OXR1: variants seen among roughly 807,000 people sequenced by gnomAD.
The protein encoded by OXR1 is oxidation resistance 1.
A neutral mutation model predicts 104.6 loss-of-function variants in OXR1; 41 were observed. That is an observed-to-expected ratio of 0.39 (90% confidence interval 0.31 to 0.51). OXR1 has a LOEUF of 0.51. Among genes scored for constraint, OXR1 ranks in the 20% least tolerant of loss-of-function variants. The probability of loss-of-function intolerance (pLI) is 0.77; values close to 1 mark genes in which losing one functional copy is unlikely to be tolerated. For synonymous variants in OXR1, 348 were observed against 348.4 expected, an observed-to-expected ratio of 1.00 and a Z score of 0.01; for missense variants, 955 against 1,031.9, an observed-to-expected ratio of 0.93 and a Z score of 1.02.
At chr8:106,514,474 C>T (rs1812737333) in intron 2 of OXR1, among the ~76,000 whole-genome samples, 1 of 151,996 alleles carries the variant, frequency 6.6e-6, no homozygotes, top group Admixed American at 6.6e-5. Context: ...AAACTTAGAA[C>T]AAAAACGTGA....
intron 2 of OXR1, among the ~76,000 whole-genome samples, chr8:106,417,960 G>A (rs1490509826): frequency 2.6e-5 from 4 of 151,162 alleles, no homozygotes; most frequent in East Asian, 3.9e-4. Context: ...GGCCAAGGAC[G>A]GTGAGAAGCT....
rs557321337 is a variant in OXR1 at position 106,436,672 on chromosome 8, C to T, written c.23+77036C>T. On this transcript the variant is annotated intron_variant, in intron 2 of 16. Transcript: ENST00000517566. ...CCTAAGCCTAAAGGAGATAATCTCC[C>T]TCTCTTCATCTCTTTACTGTATGTT... is the stretch of plus-strand genomic sequence containing the variant. Among the ~76,000 whole-genome samples, 9 of 152,196 alleles carry T rather than the reference C, an allele frequency of 5.9e-5. No individual in the cohort carries two copies. In the South Asian group the frequency reaches 1.7e-3, roughly 28 times the overall value.
chr8:106,613,585 G>A (rs1464892550), intron 3 of OXR1, among the ~76,000 whole-genome samples: 1 of 152,220 alleles, frequency 6.6e-6, no homozygotes, highest in African/African-American at 2.4e-5. Flanking sequence ...TTTTAGTAGA[G>A]ACAGAGTTTC....
chr8:106,336,896 T>C (rs1327344686), intron 1 of OXR1, among the ~76,000 whole-genome samples: 1 of 152,192 alleles, frequency 6.6e-6, no homozygotes, highest in Non-Finnish European at 1.5e-5. Context: ...CCTAGAGTCA[T>C]TTAGATACTG....
intron 7 of OXR1, among the ~76,000 whole-genome samples, chr8:106,695,862 G>A (rs1019997288): frequency 5.3e-5 from 8 of 151,654 alleles, no homozygotes; most frequent in Admixed American, 1.3e-4. Flanking sequence ...TTAAATGGAC[G>A]GAAGAATTGA....
intron 14 of OXR1, among the ~76,000 whole-genome samples, chr8:106,741,266 A>G (rs1288325457): frequency 5.3e-5 from 8 of 152,166 alleles, no homozygotes; most frequent in South Asian, 4.1e-4. Context: ...TAGAAATCAA[A>G]CACCAGAGAG....
intron 2 of OXR1, among the ~76,000 whole-genome samples, chr8:106,474,697 G>A (rs1163579268): frequency 6.6e-6 from 1 of 151,872 alleles, no homozygotes; most frequent in East Asian, 1.9e-4. Context: ...TTGTGACAGA[G>A]ACCCCATGGT....
intron 12 of OXR1, among the ~76,000 whole-genome samples, chr8:106,738,649 A>G (rs1423003749): frequency 6.6e-6 from 1 of 151,222 alleles, no homozygotes; most frequent in Non-Finnish European, 1.5e-5. Context: ...AATAAAATTA[A>G]TATTAAAAAG....
chr8:106,621,515 G>T (rs995558373), intron 3 of OXR1, among the ~76,000 whole-genome samples: 19 of 141,106 alleles, frequency 1.3e-4, no homozygotes, highest in Admixed American at 7.1e-5. Flanking sequence ...TTCAATAAGA[G>T]TAAAAAAAAA....
intron 3 of OXR1, among the ~76,000 whole-genome samples, chr8:106,651,180 C>A (rs1036759582): frequency 5.9e-5 from 9 of 152,140 alleles, no homozygotes; most frequent in Admixed American, 2.0e-4. Context: ...GTGGTAGTTT[C>A]CACCCACTGT....
At chr8:106,438,237 T>A (rs1398681996) in intron 2 of OXR1, among the ~76,000 whole-genome samples, 6 of 151,832 alleles carry the variant, frequency 4.0e-5, no homozygotes, top group African/African-American at 1.5e-4. Flanking sequence ...AAATCCAGAG[T>A]CATCTAAATA....
chr8:106,491,480 A>C (rs1811082915), intron 2 of OXR1, among the ~76,000 whole-genome samples: 1 of 152,240 alleles, frequency 6.6e-6, no homozygotes, highest in Admixed American at 6.5e-5. Flanking sequence ...TCTTTTAACC[A>C]ATACATACCA....
At chr8:106,398,456 C>T (rs776415263) in intron 2 of OXR1, among the ~76,000 whole-genome samples, 13 of 152,078 alleles carry the variant, frequency 8.5e-5, no homozygotes, top group Admixed American at 2.6e-4. Context: ...GGAGAAAGAA[C>T]GAGTCAGTTG....
At chr8:106,715,669 G>A (rs1290624704) in intron 11 of OXR1, among the ~76,000 whole-genome samples, 1 of 152,020 alleles carries the variant, frequency 6.6e-6, no homozygotes, top group African/African-American at 2.4e-5. Context: ...TCTCCAGCTT[G>A]GGTGGCACGG....
intron 3 of OXR1, 23 bp from the exon 4 acceptor site, chr8:106,679,187 G>C: frequency 7.0e-7 from 1 of 1,430,280 alleles, no homozygotes; most frequent in Non-Finnish European, 9.8e-7. Context: ...GAATTTAATA[G>C]GAATTTTGCC....
chr8:106,740,470 T>C lies in OXR1; in HGVS notation c.2291T>C (p.Met764Thr), dbSNP rs1834825052. ...TMTGLDTPVL[M>T]VIKDSDGQVF... is the part of the protein sequence containing the mutation. ...ACAGGTTTAGACACCCCAGTGCTGATGGTGATTAAAGACAGTGATGGACAG... is the reference window on the plus strand; with the variant it reads ...ACAGGTTTAGACACCCCAGTGCTGACGGTGATTAAAGACAGTGATGGACAG... Residue 764 changes from methionine (M) to threonine (T), a missense_variant, in exon 14 of 17, where the codon ATG (methionine) becomes ACG (threonine). Met to Thr is a moderately conservative substitution (Grantham distance 81). Transcript: ENST00000517566. 1 of 1,612,704 alleles carries C rather than the reference T, an allele frequency of 6.2e-7. No individual in the cohort carries two copies. The highest frequency in any genetic ancestry group is 8.5e-7 in the Non-Finnish European group (1 of 1,179,196).
At chr8:106,359,701 G>A in intron 2 of OXR1, 65 bp downstream of exon 2, 1 of 1,155,830 alleles carries the variant, frequency 8.7e-7, no homozygotes, top group Non-Finnish European at 1.3e-6. Flanking sequence ...ATTTTCTGAG[G>A]GAGTCGTACA....
At chr8:106,619,363 T>C (rs1159951127) in intron 3 of OXR1, among the ~76,000 whole-genome samples, 2 of 152,190 alleles carry the variant, frequency 1.3e-5, no homozygotes, top group East Asian at 1.9e-4. Flanking sequence ...GAAATTCTCA[T>C]TGCTGAAACA....
intron 3 of OXR1, among the ~76,000 whole-genome samples, chr8:106,613,404 G>A (rs968031623): frequency 1.3e-5 from 2 of 152,182 alleles, no homozygotes; most frequent in Non-Finnish European, 2.9e-5. Context: ...TACTTGATAT[G>A]TCCTTCTTTT....
Sources: gnomAD v4.1 joint callset for allele counts (sites outside exome capture counted in the v4.1 genomes callset) on GRCh38, gnomAD v4.1.1 for gene constraint, MANE v1.5 for transcripts, NCBI Gene and HGNC (gene_info 2026-07-23, HGNC 2026-07-21) for gene names.